Variants in SH3GL3 observed in about 807,000 individuals in gnomAD.
SH3GL3 encodes the protein SH3 domain containing GRB2 like 3, endophilin A3.
A neutral mutation model predicts 47.7 loss-of-function variants in SH3GL3; 33 were observed. The ratio of observed to expected loss-of-function variants is 0.69; its 90% CI spans 0.52 to 0.92. SH3GL3 has a LOEUF of 0.92. Ranked by LOEUF, SH3GL3 falls within the 40% of genes least tolerant of loss-of-function variation. The probability of loss-of-function intolerance (pLI) is 0.00; values close to 1 mark genes in which losing one functional copy is unlikely to be tolerated. For synonymous variants in SH3GL3, 155 were observed against 148.8 expected (o/e 1.04, Z -0.30); for missense variants, 363 against 417.8 (o/e 0.87, Z 1.14).
chr15:83,628,024 C>T, the SH3GL3 span, among the ~76,000 whole-genome samples: 2 of 152,326 alleles, frequency 1.3e-5, no homozygotes, highest in East Asian at 1.9e-4. Context: ...ACTACCACAA[C>T]CTCTTGCTAC....
chr15:83,539,559 CT>C (rs2044066927), intron 1 of SH3GL3, among the ~76,000 whole-genome samples: 1 of 152,158 alleles, frequency 6.6e-6, no homozygotes, highest in African/African-American at 2.4e-5. Flanking sequence ...TACAAGGCTC[CT>C]TTGACTGTTT....
chr15:83,490,854 G>A, intron 1 of SH3GL3: 2 of 1,614,180 alleles, frequency 1.2e-6, no homozygotes, highest in Non-Finnish European at 1.7e-6. Context: ...TCTTTGCTGG[G>A]ATAATATGCA....
At chr15:83,509,180 A>G (rs910884792) in intron 1 of SH3GL3, among the ~76,000 whole-genome samples, 2 of 152,254 alleles carry the variant, frequency 1.3e-5, no homozygotes, top group Non-Finnish European at 2.9e-5. Flanking sequence ...ATTTTGGTCA[A>G]GCCTTGTCCT....
chr15:83,563,069 G>C (rs559376470), intron 2 of SH3GL3, among the ~76,000 whole-genome samples: 1 of 152,224 alleles, frequency 6.6e-6, no homozygotes, highest in South Asian at 2.1e-4. Context: ...TTTACCTAAG[G>C]GGAACAAATA....
intron 5 of SH3GL3, among the ~76,000 whole-genome samples, chr15:83,576,288 C>T (rs1035673331): frequency 2.0e-5 from 3 of 152,154 alleles, no homozygotes; most frequent in Non-Finnish European, 4.4e-5. Flanking sequence ...GTATAAAGAA[C>T]GTTGGAAAAT....
chr15:83,528,078 C>G (rs2043504576), intron 1 of SH3GL3, among the ~76,000 whole-genome samples: 1 of 152,084 alleles, frequency 6.6e-6, no homozygotes, highest in South Asian at 2.1e-4. Context: ...GTATTTTTGG[C>G]TGTCAGCTTT....
At chr15:83,503,877 G>A (rs1398821328) in intron 1 of SH3GL3, among the ~76,000 whole-genome samples, 1 of 152,178 alleles carries the variant, frequency 6.6e-6, no homozygotes, top group African/African-American at 2.4e-5. Context: ...TGTAAGAAAA[G>A]GCGCATTTCC....
chr15:83,476,543 A>G (rs571666223), intron 1 of SH3GL3, among the ~76,000 whole-genome samples: 1 of 152,388 alleles, frequency 6.6e-6, no homozygotes, highest in South Asian at 2.1e-4. Flanking sequence ...GTTTTATTGT[A>G]CAGCTTGTGA....
At chr15:83,457,438 C>T (rs2040049264) in intron 1 of SH3GL3, among the ~76,000 whole-genome samples, 1 of 152,188 alleles carries the variant, frequency 6.6e-6, no homozygotes, top group African/African-American at 2.4e-5. Context: ...CAACTTTTCC[C>T]CCTTTCTCTT....
At chr15:83,533,505 G>A (rs918381591) in intron 1 of SH3GL3, among the ~76,000 whole-genome samples, 2 of 152,190 alleles carry the variant, frequency 1.3e-5, no homozygotes, top group Non-Finnish European at 2.9e-5. Flanking sequence ...GTATCCATGT[G>A]TTTCCAGTTT....
intron 2 of SH3GL3, among the ~76,000 whole-genome samples, chr15:83,562,192 CA>C (rs2045324156): frequency 1.3e-5 from 2 of 151,952 alleles, no homozygotes; most frequent in Non-Finnish European, 2.9e-5. Flanking sequence ...CCACATTAGC[CA>C]ATATGTTTAC....
intron 1 of SH3GL3, among the ~76,000 whole-genome samples, chr15:83,506,950 TAA>T (rs1018709174): frequency 1.4e-5 from 2 of 141,730 alleles, no homozygotes; most frequent in Admixed American, 7.0e-5. Context: ...TCTCTTTTGC[TAA>T]AAAAAAAAAA....
chr15:83,498,591 A>G (rs1350537310), intron 1 of SH3GL3, among the ~76,000 whole-genome samples: 1 of 152,008 alleles, frequency 6.6e-6, no homozygotes, highest in African/African-American at 2.4e-5. Context: ...ATCTCTCTAC[A>G]TTCTGTAGAT....
intron 6 of SH3GL3, among the ~76,000 whole-genome samples, chr15:83,586,179 G>A (rs907124134): frequency 6.6e-6 from 1 of 152,116 alleles, no homozygotes; most frequent in African/African-American, 2.4e-5. Flanking sequence ...TCAGAAATAA[G>A]CTTAATTAAT....
chr15:83,530,020 C>T (rs570373928), intron 1 of SH3GL3, among the ~76,000 whole-genome samples: 34 of 152,222 alleles, frequency 2.2e-4, no homozygotes, highest in African/African-American at 8.2e-4. Context: ...GTGCTAGGGA[C>T]CCTGCTGCAC....
intron 1 of SH3GL3, among the ~76,000 whole-genome samples, chr15:83,501,165 G>A: frequency 6.6e-6 from 1 of 152,122 alleles, no homozygotes; most frequent in East Asian, 1.9e-4. Flanking sequence ...TTCTTTGAAG[G>A]CCAACAGCTT....
chr15:83,602,019 A>G (rs766832246), intron 8 of SH3GL3, among the ~76,000 whole-genome samples: 1 of 151,986 alleles, frequency 6.6e-6, no homozygotes, highest in Non-Finnish European at 1.5e-5. Context: ...GCCACAGTCC[A>G]GGGAGAATAT....
At chr15:83,522,817 G>A (rs902870582) in intron 1 of SH3GL3, among the ~76,000 whole-genome samples, 1 of 152,160 alleles carries the variant, frequency 6.6e-6, no homozygotes, top group Non-Finnish European at 1.5e-5. Flanking sequence ...GAAAAAGTCT[G>A]TGTAGGCTAG....
At chr15:83,461,582 TA>T (rs550987646) in intron 1 of SH3GL3, among the ~76,000 whole-genome samples, 3 of 151,834 alleles carry the variant, frequency 2.0e-5, no homozygotes, top group Admixed American at 6.6e-5. Context: ...TCTCTAAAAT[TA>T]AAAAAAACTA....
Sources: allele counts gnomAD v4.1 joint callset (sites outside exome capture counted in the v4.1 genomes callset), GRCh38; gene constraint gnomAD v4.1.1; transcripts MANE v1.5; gene names NCBI Gene and HGNC (gene_info 2026-07-23, HGNC 2026-07-21).